The following ITGBL1 variants were observed in gnomAD, a reference collection of about 807,000 sequenced individuals.
ITGBL1 encodes integrin beta-like protein 1.
In ITGBL1, 51 loss-of-function variants were observed where a neutral mutation model predicts 68.5. The ratio of observed to expected loss-of-function variants is 0.74; its 90% confidence interval spans 0.59 to 0.94. The LOEUF is 0.94. ITGBL1 is among the 40% of genes least tolerant of loss of function. ITGBL1 has a pLI of 0.00. For missense variants in ITGBL1, 649 were observed against 647.4 expected, an observed-to-expected ratio of 1.00 and a Z score of -0.03; for synonymous variants, 209 against 227.3, an observed-to-expected ratio of 0.92 and a Z score of 0.72.
At chr13:101,587,842 A>G (rs951292348) in intron 6 of ITGBL1, among the ~76,000 whole-genome samples, 1 of 152,180 alleles carries the variant, frequency 6.6e-6, no homozygotes, top group Admixed American at 6.6e-5. Flanking sequence ...ATTGAATTTA[A>G]AAAAAATAGC....
intron 2 of ITGBL1, among the ~76,000 whole-genome samples, chr13:101,479,596 C>A (rs2048586977): frequency 6.7e-6 from 1 of 150,036 alleles, no homozygotes; most frequent in Non-Finnish European, 1.5e-5. Flanking sequence ...TATAAGAAGC[C>A]CACACAACTC....
chr13:101,651,268 C>T (rs1044175341), intron 7 of ITGBL1, among the ~76,000 whole-genome samples: 2 of 152,128 alleles, frequency 1.3e-5, no homozygotes, highest in African/African-American at 2.4e-5. Context: ...CCACCAACAG[C>T]GTAAAAGCAT....
Position 101,583,282 on chromosome 13 carries a change from A to T in ITGBL1, c.794A>T (p.His265Leu). 6.2e-7 allele frequency: 1 copy of T among 1,613,662 alleles called. No individual in the cohort carries two copies. The highest frequency in any genetic ancestry group is 1.3e-5 in the African/African-American group (1 of 74,972). Residue 265 changes from histidine (H) to leucine (L), a missense_variant, in exon 6 of 11, where the codon CAT becomes CTT. Transcript: ENST00000376180. The part of the protein sequence containing the change: ...VDPTGDWGDI[H>L]GDTCECDERD... ...CCGACTGGGGACTGGGGAGATATTC[A>T]TGGGGACACCTGTGAATGTGATGAG... is the stretch of plus-strand genomic sequence containing the variant.
intron 2 of ITGBL1, among the ~76,000 whole-genome samples, chr13:101,503,461 A>G (rs2048976144): frequency 6.6e-6 from 1 of 152,172 alleles, no homozygotes; most frequent in African/African-American, 2.4e-5. Context: ...AAGAGACCAC[A>G]TTCCTTTCTT....
At chr13:101,672,488 T>G (rs2033402187) in intron 7 of ITGBL1, among the ~76,000 whole-genome samples, 1 of 152,192 alleles carries the variant, frequency 6.6e-6, no homozygotes. Flanking sequence ...ATCCTCTCTT[T>G]GCCAGCCACA....
chr13:101,666,958 A>T (rs1471453103), intron 7 of ITGBL1, among the ~76,000 whole-genome samples: 1 of 152,194 alleles, frequency 6.6e-6, no homozygotes, highest in Admixed American at 6.5e-5. Context: ...AAATAAAGGA[A>T]TCTTGTGCCA....
Position 101,567,744 on chromosome 13 carries a change from G to C in ITGBL1, c.362G>C (p.Trp121Ser), listed in dbSNP as rs749276184. Residue 121 changes from tryptophan to serine, a missense_variant, in exon 3 of 11, where the codon TGG becomes TCG. Physicochemically the swap from Trp to Ser is radical, Grantham distance 177. Transcript: ENST00000376180. ...DCGKCKCDQGWYGDACQYPTN... is the reference protein window; with the variant it reads ...DCGKCKCDQGSYGDACQYPTN... ...GGCAAGTGCAAGTGTGACCAGGGAT[G>C]GTATGGGGATGCTTGCCAGTACCCA... The C allele has an allele frequency of 5.0e-6, 8 of 1,613,398 alleles. No individual in the cohort carries two copies. The South Asian group carries it at 7.7e-5, about 16-fold the overall frequency.
At chr13:101,714,612 C>A in intron 10 of ITGBL1, 61 bp downstream of exon 10, 1 of 1,002,490 alleles carries the variant, frequency 1.0e-6, no homozygotes, top group Non-Finnish European at 1.6e-6. Flanking sequence ...CCAAGAGACA[C>A]TCGTCATGCA....
At chr13:101,655,805 C>CCTT (rs1326584691) in intron 7 of ITGBL1, among the ~76,000 whole-genome samples, 1 of 152,082 alleles carries the variant, frequency 6.6e-6, no homozygotes, top group Non-Finnish European at 1.5e-5. Flanking sequence ...TGGCAATGCC[C>CCTT]AAAGAGATGC....
At chr13:101,585,927 G>A (rs1031504188) in intron 6 of ITGBL1, among the ~76,000 whole-genome samples, 1 of 152,064 alleles carries the variant, frequency 6.6e-6, no homozygotes, top group Non-Finnish European at 1.5e-5. Flanking sequence ...TTTGGACTGG[G>A]GTTGAAAAAT....
At chr13:101,689,946 C>T (rs1465069481) in intron 7 of ITGBL1, among the ~76,000 whole-genome samples, 5 of 152,108 alleles carry the variant, frequency 3.3e-5, no homozygotes, top group Admixed American at 6.5e-5. Context: ...CCAAACAGTA[C>T]GTCTTATTCT....
intron 2 of ITGBL1, among the ~76,000 whole-genome samples, chr13:101,476,467 C>T (rs1028093214): frequency 7.9e-5 from 12 of 151,912 alleles, no homozygotes; most frequent in African/African-American, 2.7e-4. Context: ...AACAAAATGG[C>T]AAGATTAAGT....
chr13:101,708,450 A>G (rs544981856), intron 9 of ITGBL1, among the ~76,000 whole-genome samples: 3 of 152,286 alleles, frequency 2.0e-5, no homozygotes, highest in Admixed American at 6.5e-5. Flanking sequence ...TGACCAGGTA[A>G]ATAATTTTCT....
intron 2 of ITGBL1, among the ~76,000 whole-genome samples, chr13:101,518,490 A>C (rs1187762317): frequency 6.6e-6 from 1 of 152,176 alleles, no homozygotes; most frequent in African/African-American, 2.4e-5. Context: ...TATTTATCTT[A>C]ATCTAATCAG....
intron 7 of ITGBL1, among the ~76,000 whole-genome samples, chr13:101,629,844 A>C (rs1009172816): frequency 3.3e-5 from 5 of 152,110 alleles, no homozygotes; most frequent in African/African-American, 1.2e-4. Flanking sequence ...ATTTTTTGAA[A>C]TAGAGTCTTG....
chr13:101,649,871 A>T (rs953184418), intron 7 of ITGBL1, among the ~76,000 whole-genome samples: 2 of 152,270 alleles, frequency 1.3e-5, no homozygotes, highest in South Asian at 4.1e-4. Flanking sequence ...TTCAAACCTC[A>T]GTGAAAGTGT....
At chr13:101,697,039 A>ATT (rs60831726) in intron 8 of ITGBL1, among the ~76,000 whole-genome samples, 22,978 of 147,242 alleles carry the variant, frequency 0.16, 2,064 homozygotes, top group East Asian at 0.42. Flanking sequence ...TATCGATTTC[A>ATT]TTTTTTTTTT....
chr13:101,607,058 A>G (rs895084726), intron 7 of ITGBL1, among the ~76,000 whole-genome samples: 1 of 151,988 alleles, frequency 6.6e-6, no homozygotes, highest in Admixed American at 6.6e-5. Context: ...TATGGAATAC[A>G]TAGGTCTAAA....
chr13:101,675,903 G>A (rs1157591425), intron 7 of ITGBL1, among the ~76,000 whole-genome samples: 1 of 151,820 alleles, frequency 6.6e-6, no homozygotes, highest in Non-Finnish European at 1.5e-5. Flanking sequence ...CTATCTTCCA[G>A]TTTGCTAATC....
Sources: gnomAD v4.1 joint callset for allele counts (sites outside exome capture counted in the v4.1 genomes callset) on GRCh38, gnomAD v4.1.1 for gene constraint, MANE v1.5 for transcripts, NCBI Gene and HGNC (gene_info 2026-07-23, HGNC 2026-07-21) for gene names.